ARHGAP44: variants seen among roughly 807,000 people sequenced by gnomAD.
ARHGAP44 encodes the protein rho GTPase-activating protein 44.
A neutral mutation model predicts 106.8 loss-of-function variants in ARHGAP44; 43 were observed. The observed-to-expected ratio is 0.40, with a 90% CI of 0.32 to 0.52. The LOEUF (loss-of-function observed/expected upper bound fraction) is 0.52. Among genes scored for constraint, ARHGAP44 ranks in the 20% least tolerant of loss-of-function variants. The probability of loss-of-function intolerance (pLI) is 0.48; values close to 1 mark genes in which losing one functional copy is unlikely to be tolerated. For missense variants in ARHGAP44, 866 were observed against 1,050.5 expected, an observed-to-expected ratio of 0.82 and a Z score of 2.43; for synonymous variants, 439 against 410.3, an observed-to-expected ratio of 1.07 and a Z score of -0.85.
intron 1 of ARHGAP44, among the ~76,000 whole-genome samples, chr17:12,833,373 C>A (rs916969822): frequency 6.6e-6 from 1 of 152,116 alleles, no homozygotes; most frequent in African/African-American, 2.4e-5. Flanking sequence ...GAAGCTGATA[C>A]CCAACTAGCT....
At chr17:12,935,061 A>G (rs77042574) in intron 7 of ARHGAP44, among the ~76,000 whole-genome samples, 3,214 of 152,282 alleles carry the variant, frequency 0.021, 110 homozygotes, top group South Asian at 0.092. Flanking sequence ...CTAAATTTAT[A>G]TCGGACAGAA....
chr17:12,902,808 A>C (rs1357910417), intron 3 of ARHGAP44, among the ~76,000 whole-genome samples: 1 of 152,194 alleles, frequency 6.6e-6, no homozygotes, highest in African/African-American at 2.4e-5. Flanking sequence ...TAAGAATCAT[A>C]ATAATTCCCT....
At chr17:12,790,679 A>G (rs902621116) in intron 1 of ARHGAP44, 1 of 152,698 alleles carries the variant, frequency 6.5e-6, no homozygotes, top group Admixed American at 6.5e-5. Flanking sequence ...GCCTGCTGCC[A>G]TCACGGTGAA....
intron 10 of ARHGAP44, among the ~76,000 whole-genome samples, chr17:12,947,888 ATG>A (rs1202646377): frequency 6.6e-6 from 1 of 152,204 alleles, no homozygotes; most frequent in Non-Finnish European, 1.5e-5. Context: ...AGCTTTGCAC[ATG>A]TGTGTATCTG....
intron 13 of ARHGAP44, among the ~76,000 whole-genome samples, chr17:12,953,203 C>T (rs1235824741): frequency 2.6e-5 from 4 of 152,108 alleles, no homozygotes; most frequent in Non-Finnish European, 5.9e-5. Context: ...CATTCCCGAG[C>T]CCTAGCTGTG....
chr17:12,908,461 A>G (rs1290027614), intron 3 of ARHGAP44, among the ~76,000 whole-genome samples: 1 of 152,062 alleles, frequency 6.6e-6, no homozygotes, highest in African/African-American at 2.4e-5. Context: ...CCTCTGCCTC[A>G]TGTAAAGTGC....
intron 1 of ARHGAP44, among the ~76,000 whole-genome samples, chr17:12,855,793 T>A (rs1203280802): frequency 6.6e-6 from 1 of 152,210 alleles, no homozygotes; most frequent in Non-Finnish European, 1.5e-5. Flanking sequence ...ATGAAGTGTC[T>A]AGCAGAGCTC....
chr17:12,919,144 A>G (rs2037999489), intron 5 of ARHGAP44, among the ~76,000 whole-genome samples: 1 of 152,174 alleles, frequency 6.6e-6, no homozygotes, highest in Admixed American at 6.5e-5. Context: ...CGTACTCACC[A>G]TCAAAAAAAG....
intron 1 of ARHGAP44, among the ~76,000 whole-genome samples, chr17:12,856,499 C>A (rs72813147): frequency 6.6e-6 from 1 of 152,102 alleles, no homozygotes; most frequent in Non-Finnish European, 1.5e-5. Flanking sequence ...CGGAAGTTGG[C>A]CCTAGGCAAT....
intron 1 of ARHGAP44, among the ~76,000 whole-genome samples, chr17:12,806,545 T>C (rs1400032394): frequency 3.9e-5 from 6 of 152,148 alleles, no homozygotes; most frequent in Non-Finnish European, 8.8e-5. Context: ...AAGACATGGT[T>C]GTGCAGATTT....
chr17:12,853,032 A>G (rs2035806409), intron 1 of ARHGAP44, among the ~76,000 whole-genome samples: 1 of 152,176 alleles, frequency 6.6e-6, no homozygotes, highest in East Asian at 1.9e-4. Flanking sequence ...GAAGTTTATT[A>G]GGGAGTATCA....
rs568496701 is a variant in ARHGAP44, at chr17:12,912,503, G to A, written c.276-3397G>A. 5.9e-5 allele frequency among the ~76,000 whole-genome samples: 9 copies of A among 152,220 alleles called. No homozygotes were observed. The South Asian group carries it at 1.9e-3, about 32-fold the overall frequency. On this transcript the variant is annotated intron_variant, in intron 4 of 20. Transcript: ENST00000379672. ...AAACAGGAGTTCTTAGAAAAGAAGA[G>A]GAAGAAATAATAATAAATAATCCAA... is the stretch of plus-strand genomic sequence containing the variant.
intron 1 of ARHGAP44, among the ~76,000 whole-genome samples, chr17:12,875,048 G>C (rs2036514026): frequency 6.6e-6 from 1 of 152,084 alleles, no homozygotes; most frequent in South Asian, 2.1e-4. Context: ...CTCCAGGTCA[G>C]ATATTTTGGA....
At chr17:12,971,817 C>G (rs574090420) in intron 16 of ARHGAP44, among the ~76,000 whole-genome samples, 1 of 152,116 alleles carries the variant, frequency 6.6e-6, no homozygotes, top group Non-Finnish European at 1.5e-5. Context: ...ATGAGAAATA[C>G]CAGCAATCGT....
chr17:12,932,472 G>A (rs1014829260), intron 7 of ARHGAP44, among the ~76,000 whole-genome samples: 2 of 151,996 alleles, frequency 1.3e-5, no homozygotes, highest in African/African-American at 4.8e-5. Flanking sequence ...TTTCCAGTCT[G>A]CCATTTGTCT....
At chr17:12,878,573 AT>A (rs1412871323) in intron 1 of ARHGAP44, among the ~76,000 whole-genome samples, 1 of 152,156 alleles carries the variant, frequency 6.6e-6, no homozygotes, top group Non-Finnish European at 1.5e-5. Context: ...TCCTTGTTTC[AT>A]TTACAAAGAT....
At chr17:12,955,111 A>G (rs1459931837) in intron 13 of ARHGAP44, among the ~76,000 whole-genome samples, 1 of 152,224 alleles carries the variant, frequency 6.6e-6, no homozygotes, top group African/African-American at 2.4e-5. Flanking sequence ...ATACTATAAT[A>G]TGTGGCCTGT....
rs572579793 is a variant in ARHGAP44 at position 12,915,376 on chromosome 17, G to A, written c.276-524G>A. On this transcript the variant is annotated intron_variant, in intron 4 of 20. Coordinates refer to ENST00000379672, the MANE Select transcript of ARHGAP44 (RefSeq NM_014859.6). ...AATAGTATATTGTGTCATCTGGGAAGATGGCATGACTTTCTACTCATTCAG... is the reference window on the plus strand; with the variant it reads ...AATAGTATATTGTGTCATCTGGGAAAATGGCATGACTTTCTACTCATTCAG... Among the ~76,000 whole-genome samples the A allele has an allele frequency of 7.2e-5, 11 of 152,346 alleles. No homozygotes were observed. The East Asian group carries it at 1.9e-3, about 27-fold the overall frequency.
intron 16 of ARHGAP44, among the ~76,000 whole-genome samples, chr17:12,962,072 TAA>T (rs555679666): frequency 1.4e-5 from 2 of 147,956 alleles, no homozygotes; most frequent in Non-Finnish European, 1.5e-5. Context: ...TTGGCCAAGT[TAA>T]AAAAAAATAT....
Sources: allele counts gnomAD v4.1 joint callset (sites outside exome capture counted in the v4.1 genomes callset), GRCh38; gene constraint gnomAD v4.1.1; transcripts MANE v1.5; gene names NCBI Gene and HGNC (gene_info 2026-07-23, HGNC 2026-07-21).